The following BSDC1 variants were observed in gnomAD, a reference collection of about 807,000 sequenced individuals.
BSDC1 encodes the protein BSD domain containing 1, also known as BSD domain-containing protein 1.
Under a neutral mutation model 56.0 loss-of-function variants are expected in BSDC1, and 29 were observed. The observed-to-expected ratio is 0.52, with a 90% confidence interval of 0.39 to 0.71. The LOEUF is 0.71. Ranked by LOEUF, BSDC1 falls within the 30% of genes least tolerant of loss-of-function variation. The pLI is 0.00. For missense variants in BSDC1, 477 were observed against 548.5 expected (o/e 0.87, Z 1.30); for synonymous variants, 210 against 215.3 (o/e 0.98, Z 0.21).
chr1:32,365,687 C>T lies in BSDC1; in HGVS notation c.*935G>A, dbSNP rs1641821472. ...ACCCCCAGGATAGCCCTTCCAGAAG[C>T]AGAAGGGCTGAGGCGGAGAAGCTAG... On this transcript the variant is annotated 3_prime_UTR_variant, in exon 11 of 11. Transcript: ENST00000455895. 1 of 152,654 alleles carries T rather than the reference C, an allele frequency of 6.6e-6. No homozygotes were observed. Among genetic ancestry groups the T allele is most frequent in the South Asian group, 2.1e-4 (1 of 4,834 alleles). The allele number at this position is 152,654 out of a possible 1,614,324, so 9.5% of individuals were successfully genotyped here.
chr1:32,377,749 T>C (rs1000947624), intron 8 of BSDC1, among the ~76,000 whole-genome samples: 4 of 152,244 alleles, frequency 2.6e-5, no homozygotes, highest in Admixed American at 1.3e-4. Flanking sequence ...CAGGGGAATC[T>C]ACACCAACTG....
chr1:32,366,931 T>C, intron 10 of BSDC1: 1 of 1,190,834 alleles, frequency 8.4e-7, no homozygotes. Context: ...GATGGCTGCC[T>C]ACAGGAACCA....
rs1451128020 is a variant in BSDC1, at chr1:32,388,994, A to G, written c.73-2099T>C. Among the ~76,000 whole-genome samples the G allele has an allele frequency of 5.0e-5, 6 of 119,228 alleles. No homozygotes were observed. In the East Asian group the frequency reaches 1.2e-3, roughly 23 times the overall value. The allele number at this position is 119,228 out of a possible 152,430, so 78.2% of individuals were successfully genotyped here. A position where few individuals can be genotyped will look rare whatever the true frequency, so the allele number is the denominator to read the frequency against. ...TTTTGAGATGGAGTTTCGCTCTGTTACCCAGGCTGGAGTGCAGTGGCGCGA... is the reference window on the plus strand; with the variant it reads ...TTTTGAGATGGAGTTTCGCTCTGTTGCCCAGGCTGGAGTGCAGTGGCGCGA... On this transcript the variant is annotated intron_variant, in intron 2 of 10. Transcript: ENST00000455895.
chr1:32,367,664 A>G, intron 10 of BSDC1: 1 of 985,662 alleles, frequency 1.0e-6, no homozygotes, highest in African/African-American at 1.7e-5. Flanking sequence ...CCAGCCTCTC[A>G]ATCTAAATGA....
At chr1:32,366,906 C>G (rs1641875102) in intron 10 of BSDC1, 2 of 1,230,620 alleles carry the variant, frequency 1.6e-6, no homozygotes, top group South Asian at 3.5e-5. Context: ...CAACCAACAC[C>G]AGACACCACA....
intron 4 of BSDC1, among the ~76,000 whole-genome samples, chr1:32,383,155 T>C (rs1642546741): frequency 1.3e-5 from 2 of 152,082 alleles, no homozygotes; most frequent in Non-Finnish European, 2.9e-5. Flanking sequence ...ACATTAAAAA[T>C]TATGGCTGGC....
At chr1:32,388,549 T>G (rs962632353) in intron 2 of BSDC1, among the ~76,000 whole-genome samples, 2 of 152,170 alleles carry the variant, frequency 1.3e-5, no homozygotes, top group African/African-American at 4.8e-5. Context: ...GTGGGTGCTT[T>G]GTCTGTCAGG....
rs138488087 is a variant in BSDC1, at chr1:32,376,579, C to T, written c.839G>A (p.Ser280Asn). Residue 280 changes from serine to asparagine, a missense_variant, in exon 9 of 11, where the codon AGT (serine) becomes AAT (asparagine). Physicochemically the swap from Ser to Asn is conservative, Grantham distance 46. Coordinates refer to ENST00000455895, the MANE Select transcript of BSDC1 (RefSeq NM_018045.8). ...CTGTGTCACGAGGGAGATGCTCTCACTGCTCTCTGATGGAGTCACCTCTGC... is the reference window on the plus strand; with the variant it reads ...CTGTGTCACGAGGGAGATGCTCTCATTGCTCTCTGATGGAGTCACCTCTGC... The part of the protein sequence containing the change: ...PPAEVTPSES[S>N]ESISLVTQIA... 106 of 1,520,218 alleles carry T rather than the reference C, an allele frequency of 7.0e-5. No homozygotes were observed. Among genetic ancestry groups the T allele is most frequent in the Non-Finnish European group, 5.6e-5 (63 of 1,122,924 alleles). The allele number at this position is 1,520,218 out of a possible 1,614,324, so 94.2% of individuals were successfully genotyped here. A position where few individuals can be genotyped will look rare whatever the true frequency, so the allele number is the denominator to read the frequency against.
At chr1:32,385,997 A>G (rs1642650719) in intron 3 of BSDC1, among the ~76,000 whole-genome samples, 1 of 152,176 alleles carries the variant, frequency 6.6e-6, no homozygotes, top group East Asian at 1.9e-4. Flanking sequence ...GCCACTTACT[A>G]CACTCTAGAA....
In BSDC1 at chr1:32,381,308, T is replaced by C. The variant is rs756194265; in HGVS notation, c.358-40A>G. 8.5e-5 allele frequency: 136 copies of C among 1,591,780 alleles called. 1 individual carries two copies. Among genetic ancestry groups the C allele is most frequent in the Non-Finnish European group, 8.6e-7 (1 of 1,162,476 alleles). ...GAAGAGGAAAACAGAAATTCTGAGA[T>C]ACTGGGCATAGAAAGCACCCTTTCT... On this transcript the variant is annotated intron_variant, in intron 4 of 10. Coordinates refer to ENST00000455895, the MANE Select transcript of BSDC1 (RefSeq NM_018045.8).
At chr1:32,390,962 C>T (rs1045102574) in intron 2 of BSDC1, among the ~76,000 whole-genome samples, 5 of 151,900 alleles carry the variant, frequency 3.3e-5, no homozygotes, top group Admixed American at 2.6e-4. Flanking sequence ...CTAAGAGTCG[C>T]CCTAACAGGA....
At chr1:32,377,753 C>A (rs550368047) in intron 8 of BSDC1, among the ~76,000 whole-genome samples, 16 of 152,336 alleles carry the variant, frequency 1.1e-4, no homozygotes, top group African/African-American at 3.8e-4. Context: ...GGAATCTACA[C>A]CAACTGACAC....
Position 32,378,009 on chromosome 1 carries a change from G to C in BSDC1, c.637C>G (p.Gln213Glu), listed in dbSNP as rs1421614732. 6.2e-7 allele frequency: 1 copy of C among 1,613,488 alleles called. No homozygotes were observed. The highest frequency in any genetic ancestry group is 8.5e-7 in the Non-Finnish European group (1 of 1,179,710). The change falls in exon 8 of 11, where the codon CAG (glutamine) becomes GAG (glutamate). Residue 213 changes from glutamine (Q) to glutamate (E), a missense_variant. By Grantham distance (29) the Gln-to-Glu change is conservative (BLOSUM62 2). Transcript: ENST00000455895. The surrounding 1 kb of genome is among the most constrained non-coding windows in gnomAD (Gnocchi z 5.2). Reference sequence around the variant, plus strand: ...CAGCCGGGCTCTTCAGAGATGCTCTGTTCCGCCCGCTGCTTCAGGGCGTCC... The same window carrying C: ...CAGCCGGGCTCTTCAGAGATGCTCTCTTCCGCCCGCTGCTTCAGGGCGTCC... ...RRDALKQRAE[Q>E]SISEEPGWEE...
intron 9 of BSDC1, among the ~76,000 whole-genome samples, chr1:32,370,038 C>T (rs1280957482): frequency 3.3e-5 from 5 of 152,212 alleles, no homozygotes; most frequent in Admixed American, 2.6e-4. Context: ...AGTGCAGTGG[C>T]GCGATCCTAG....
chr1:32,366,721 AC>A, intron 10 of BSDC1, 67 bp from the exon 11 acceptor site: 2 of 1,441,284 alleles, frequency 1.4e-6, no homozygotes, highest in Non-Finnish European at 1.8e-6. Flanking sequence ...CCCAGACCTA[AC>A]CTCCACTTGC....
At position 32,366,348 on chromosome 1, in the gene BSDC1, C is replaced by A; in HGVS notation, c.*274G>T. 1 of 650,544 alleles carries A rather than the reference C, an allele frequency of 1.5e-6. No individual in the cohort carries two copies. Among genetic ancestry groups the A allele is most frequent in the Non-Finnish European group, 2.8e-6 (1 of 355,680 alleles). 40.3% of individuals were successfully genotyped at this position (650,544 alleles called of 1,614,324 possible). A position where few individuals can be genotyped will look rare whatever the true frequency, so the allele number is the denominator to read the frequency against. On this transcript the variant is annotated 3_prime_UTR_variant, in exon 11 of 11. Transcript: ENST00000455895. ...GAACAGTGGGTGTTCAGCAGAAAAA[C>A]ACAGGCTCTTCTGGTGAGGAGGATA...
intron 2 of BSDC1, among the ~76,000 whole-genome samples, chr1:32,391,031 C>G (rs936740716): frequency 1.3e-5 from 2 of 151,818 alleles, no homozygotes; most frequent in Non-Finnish European, 2.9e-5. Flanking sequence ...GGGCTGAGGA[C>G]AAGTGTCCTC....
chr1:32,366,372 T>C lies in BSDC1; in HGVS notation c.*250A>G, dbSNP rs1293877128. On this transcript the variant is annotated 3_prime_UTR_variant, in exon 11 of 11. Coordinates refer to ENST00000455895, the MANE Select transcript of BSDC1 (RefSeq NM_018045.8). The stretch of plus-strand genomic sequence containing the variant: ...ACACAGGCTCTTCTGGTGAGGAGGA[T>C]AGGTTTCCTCTCCCTTGGGTCATCC... 1 of 685,270 alleles carries C rather than the reference T, an allele frequency of 1.5e-6. No individual in the cohort carries two copies. Among genetic ancestry groups the C allele is most frequent in the Non-Finnish European group, 2.7e-6 (1 of 375,180 alleles). 42.4% of individuals were successfully genotyped at this position (685,270 alleles called of 1,614,324 possible).
intron 5 of BSDC1, among the ~76,000 whole-genome samples, chr1:32,379,340 T>C (rs1319347639): frequency 2.0e-5 from 3 of 152,144 alleles, no homozygotes; most frequent in African/African-American, 2.4e-5. Flanking sequence ...TTTTATTTTT[T>C]TTCCCAAAAT....
Sources: allele counts gnomAD v4.1 joint callset (sites outside exome capture counted in the v4.1 genomes callset), GRCh38; gene constraint gnomAD v4.1.1; non-coding constraint Gnocchi (gnomAD v3.1); transcripts MANE v1.5; gene names NCBI Gene and HGNC (gene_info 2026-07-23, HGNC 2026-07-21).